The following ZNF148 variants were observed in gnomAD, a reference collection of about 807,000 sequenced individuals.
ZNF148 encodes the protein Beta-Enolase Repressor Factor-1.
A neutral mutation model predicts 67.7 loss-of-function variants in ZNF148; 7 were observed. That is an observed-to-expected ratio of 0.10 (90% CI 0.06 to 0.19). ZNF148 has a LOEUF of 0.19. Ranked by LOEUF, ZNF148 falls within the 10% of genes least tolerant of loss-of-function variation. The pLI is 1.00. For missense variants in ZNF148, 583 were observed against 947.1 expected, an observed-to-expected ratio of 0.62 and a Z score of 5.05; for synonymous variants, 333 against 330.7, an observed-to-expected ratio of 1.01 and a Z score of -0.08.
intron 1 of ZNF148, among the ~76,000 whole-genome samples, chr3:125,371,706 T>G (rs1053328430): frequency 2.0e-5 from 3 of 149,670 alleles, no homozygotes; most frequent in African/African-American, 7.4e-5. Context: ...GAAAAAACAT[T>G]CAAGGGTCAT....
chr3:125,271,625 T>C (rs76775875), intron 7 of ZNF148, among the ~76,000 whole-genome samples: 12,482 of 152,210 alleles, frequency 0.082, 612 homozygotes, highest in Non-Finnish European at 0.099. Flanking sequence ...TTTTGAACCT[T>C]ATCTGTAAAA....
intron 2 of ZNF148, among the ~76,000 whole-genome samples, chr3:125,327,643 A>G (rs1467516067): frequency 6.6e-6 from 1 of 152,246 alleles, no homozygotes; most frequent in East Asian, 1.9e-4. Context: ...CAACACAGCA[A>G]GACCCTGTCT....
chr3:125,268,532 C>G (rs1177557144), intron 7 of ZNF148, among the ~76,000 whole-genome samples: 1 of 152,126 alleles, frequency 6.6e-6, no homozygotes, highest in African/African-American at 2.4e-5. Flanking sequence ...GGACTTCTAC[C>G]TATCACCATA....
At chr3:125,334,059 T>C (rs1022261018) in intron 1 of ZNF148, among the ~76,000 whole-genome samples, 3 of 152,258 alleles carry the variant, frequency 2.0e-5, no homozygotes, top group Non-Finnish European at 2.9e-5. Context: ...TGTATACCTA[T>C]ATAATATTTA....
chr3:125,307,360 G>A (rs1209448018), intron 4 of ZNF148, among the ~76,000 whole-genome samples: 14 of 150,766 alleles, frequency 9.3e-5, no homozygotes. Context: ...CTGGAGTGCA[G>A]TGGCGCGATC....
At chr3:125,263,261 T>C (rs1057095817) in intron 7 of ZNF148, among the ~76,000 whole-genome samples, 3 of 152,324 alleles carry the variant, frequency 2.0e-5, no homozygotes, top group East Asian at 1.9e-4. Flanking sequence ...ATAAGAAATA[T>C]ATATTTAGGC....
At chr3:125,350,502 C>T (rs972126440) in intron 1 of ZNF148, among the ~76,000 whole-genome samples, 4 of 152,222 alleles carry the variant, frequency 2.6e-5, no homozygotes, top group African/African-American at 4.8e-5. Flanking sequence ...ATGTTAACTA[C>T]AGCAGTAGTC....
intron 5 of ZNF148, among the ~76,000 whole-genome samples, chr3:125,284,614 C>A (rs1938561382): frequency 6.6e-6 from 1 of 151,986 alleles, no homozygotes; most frequent in Non-Finnish European, 1.5e-5. Flanking sequence ...ACATTAAAAG[C>A]TGAATTATGT....
At chr3:125,275,343 C>T (rs7615139) in intron 7 of ZNF148, among the ~76,000 whole-genome samples, 117,218 of 152,038 alleles carry the variant, frequency 0.77, 45,729 homozygotes, top group African/African-American at 0.85. Flanking sequence ...CTTTTAGATG[C>T]TACTATACCT....
chr3:125,232,293 A>G lies in ZNF148; in HGVS notation c.*48T>C, dbSNP rs1158203429. 6.5e-7 allele frequency: 1 copy of G among 1,538,714 alleles called. No homozygotes were observed. Among genetic ancestry groups the G allele is most frequent in the Non-Finnish European group, 8.7e-7 (1 of 1,145,750 alleles). On this transcript the variant is annotated 3_prime_UTR_variant, in exon 9 of 9. Coordinates refer to ENST00000360647, the MANE Select transcript of ZNF148 (RefSeq NM_021964.3). The surrounding 1 kb of genome is among the most constrained non-coding windows in gnomAD (Gnocchi z 4.2). ...TTTACACAGAGTAACCCCACTCTTG[A>G]TTAATCTGTTCTAAAGTGCCAGTAT... is the stretch of plus-strand genomic sequence containing the variant.
chr3:125,312,977 T>C (rs989800101), intron 4 of ZNF148, among the ~76,000 whole-genome samples: 2 of 152,186 alleles, frequency 1.3e-5, no homozygotes, highest in African/African-American at 4.8e-5. Flanking sequence ...GTGTGATATT[T>C]TTCTAGTTAC....
rs111369128 is a variant in ZNF148 at position 125,239,762 on chromosome 3, TC to T, written c.668-5434del. ...GCCAAAAGAGGAAACGGCCCAAATG[TC>T]CCTCAACCAATAAGTGAATGAAAAT... On this transcript the variant is annotated intron_variant, in intron 7 of 8. Coordinates refer to ENST00000360647, the MANE Select transcript of ZNF148 (RefSeq NM_021964.3). Among the ~76,000 whole-genome samples, 549 of 152,194 alleles carry T rather than the reference TC, an allele frequency of 3.6e-3. 6 individuals are homozygous for T. The highest frequency in any genetic ancestry group is 0.012 in the African/African-American group (516 of 41,512).
intron 1 of ZNF148, among the ~76,000 whole-genome samples, chr3:125,373,656 C>T (rs1942964914): frequency 6.6e-6 from 1 of 152,142 alleles, no homozygotes; most frequent in Non-Finnish European, 1.5e-5. Flanking sequence ...ATTCTAGCTC[C>T]TCCATTCTGC....
chr3:125,261,726 C>A (rs576365626), intron 7 of ZNF148, among the ~76,000 whole-genome samples: 1 of 151,236 alleles, frequency 6.6e-6, no homozygotes, highest in East Asian at 1.9e-4. Context: ...TCTAACATGA[C>A]CATGACAGAG....
chr3:125,256,725 A>T (rs1395814125), intron 7 of ZNF148, among the ~76,000 whole-genome samples: 1 of 152,152 alleles, frequency 6.6e-6, no homozygotes, highest in Non-Finnish European at 1.5e-5. Context: ...ATGCTCTAAG[A>T]CATCCATTCT....
chr3:125,335,980 A>C (rs536561620), intron 1 of ZNF148, among the ~76,000 whole-genome samples: 5 of 152,356 alleles, frequency 3.3e-5, no homozygotes, highest in Admixed American at 2.0e-4. Flanking sequence ...TTCTGTCAAG[A>C]ATATAAATTT....
intron 2 of ZNF148, among the ~76,000 whole-genome samples, chr3:125,324,185 A>T (rs1940918132): frequency 2.7e-5 from 2 of 75,220 alleles, no homozygotes; most frequent in African/African-American, 9.9e-5. Context: ...GTATAATAAT[A>T]AAAAAAATAA....
chr3:125,287,873 G>C (rs1938782107), intron 5 of ZNF148, among the ~76,000 whole-genome samples: 1 of 152,146 alleles, frequency 6.6e-6, no homozygotes, highest in African/African-American at 2.4e-5. Context: ...CCATCCGATA[G>C]AGATATGGAA....
At chr3:125,339,893 G>A (rs1044001387) in intron 1 of ZNF148, among the ~76,000 whole-genome samples, 5 of 152,020 alleles carry the variant, frequency 3.3e-5, no homozygotes, top group African/African-American at 7.3e-5. Flanking sequence ...TGGTATGGCC[G>A]TAGACAATAT....
Sources: gnomAD v4.1 joint callset for allele counts (sites outside exome capture counted in the v4.1 genomes callset) on GRCh38, gnomAD v4.1.1 for gene constraint, Gnocchi (gnomAD v3.1) non-coding constraint, MANE v1.5 for transcripts, NCBI Gene and HGNC (gene_info 2026-07-23, HGNC 2026-07-21) for gene names.